Variants in PCDH15 observed in about 807,000 individuals in gnomAD.
The protein encoded by PCDH15 is protocadherin related 15.
In PCDH15, 129 loss-of-function variants were observed where a neutral mutation model predicts 178.5. The ratio of observed to expected loss-of-function variants is 0.72; its 90% confidence interval spans 0.63 to 0.84. The LOEUF is 0.84. Among genes scored for constraint, PCDH15 ranks in the 40% least tolerant of loss-of-function variants. PCDH15 has a pLI of 0.00. For synonymous variants in PCDH15, 800 were observed against 732.0 expected, an observed-to-expected ratio of 1.09 and a Z score of -1.50; for missense variants, 2,230 against 2,099.9, an observed-to-expected ratio of 1.06 and a Z score of -1.21.
chr10:54,959,022 A>C (rs1301726468), intron 2 of PCDH15, among the ~76,000 whole-genome samples: 3 of 151,902 alleles, frequency 2.0e-5, no homozygotes, highest in Non-Finnish European at 4.4e-5. Flanking sequence ...CTTTTATTCA[A>C]TGAAGAGTTG....
intron 5 of PCDH15, among the ~76,000 whole-genome samples, chr10:54,365,938 A>C (rs10825313): frequency 0.28 from 42,655 of 151,992 alleles, 7,528 homozygotes; most frequent in Non-Finnish European, 0.4. Context: ...GTAGCATTTA[A>C]TGCATTTATA....
chr10:55,222,097 G>A (rs1238688823), intron 1 of PCDH15, among the ~76,000 whole-genome samples: 6 of 150,756 alleles, frequency 4.0e-5, no homozygotes, highest in Admixed American at 1.3e-4. Flanking sequence ...GGATGGTCTC[G>A]AGCTCCTGAC....
chr10:53,992,925 A>C (rs2091622426), intron 21 of PCDH15, among the ~76,000 whole-genome samples: 1 of 152,182 alleles, frequency 6.6e-6, no homozygotes, highest in Non-Finnish European at 1.5e-5. Context: ...CTTATTTTGT[A>C]TTCAACAATA....
At position 53,945,396 on chromosome 10, in the gene PCDH15, T is replaced by A. The variant is rs185110956; in HGVS notation, c.3123-4421A>T. On this transcript the variant is annotated intron_variant, in intron 23 of 37. Coordinates refer to ENST00000644397, the MANE Select transcript of PCDH15 (RefSeq NM_001384140.1). ...TGGCTAAATTAAACTACCATTTGAC[T>A]ACCTCACAAGTTTATTAGTGGTGAG... 6.6e-5 allele frequency among the ~76,000 whole-genome samples: 10 copies of A among 152,320 alleles called. 1 individual carries two copies. The East Asian group carries it at 1.7e-3, about 26-fold the overall frequency.
intron 2 of PCDH15, among the ~76,000 whole-genome samples, chr10:55,574,935 A>C: frequency 6.6e-6 from 1 of 152,080 alleles, no homozygotes; most frequent in East Asian, 1.9e-4. Flanking sequence ...GAACCTAGAA[A>C]ATGTATGATT....
upstream of PCDH15, among the ~76,000 whole-genome samples, chr10:55,322,812 G>A (rs528604409): frequency 1.3e-5 from 2 of 151,274 alleles, no homozygotes; most frequent in South Asian, 4.2e-4. Flanking sequence ...AATGGGGGGG[G>A]AGAAATTCAA....
intron 1 of PCDH15, among the ~76,000 whole-genome samples, chr10:54,750,041 T>C (rs1945998965): frequency 6.6e-6 from 1 of 152,044 alleles, no homozygotes. Flanking sequence ...AATAATATTA[T>C]TACTTCATTG....
At chr10:54,223,717 A>G (rs2053142930) in intron 9 of PCDH15, among the ~76,000 whole-genome samples, 1 of 151,776 alleles carries the variant, frequency 6.6e-6, no homozygotes, top group Non-Finnish European at 1.5e-5. Flanking sequence ...AATAATTTTT[A>G]TTTAGAGCAA....
chr10:54,195,793 T>G lies in PCDH15; in HGVS notation c.1195A>C (p.Ser399Arg), dbSNP rs199786639. 131 of 1,613,978 alleles carry G rather than the reference T, an allele frequency of 8.1e-5. 1 individual carries two copies. In the East Asian group the frequency reaches 1.6e-3, roughly 19 times the overall value. Residue 399 changes from serine to arginine, a missense_variant, in exon 11 of 38, where the codon AGT becomes CGT. Ser to Arg is a moderately radical substitution (Grantham distance 110, BLOSUM62 -1). Transcript: ENST00000644397. ...GATTCCAGGATATAGCCTTGATAAC[T>G]GGGCATTGTAAAATATGGACTTTGA... is the stretch of plus-strand genomic sequence containing the variant. ...NNQSPYFTMP[S>R]YQGYILESAP...
chr10:54,064,070 C>G (rs1205150157), intron 18 of PCDH15, among the ~76,000 whole-genome samples: 1 of 152,154 alleles, frequency 6.6e-6, no homozygotes, highest in African/African-American at 2.4e-5. Flanking sequence ...ACGCGCACAG[C>G]TGGAGAGTTA....
intron 23 of PCDH15, among the ~76,000 whole-genome samples, chr10:53,957,562 T>C (rs2087754381): frequency 6.7e-6 from 1 of 149,438 alleles, no homozygotes; most frequent in African/African-American, 2.5e-5. Flanking sequence ...GCAGCCTGGA[T>C]ACAATGGACA....
intron 3 of PCDH15, among the ~76,000 whole-genome samples, chr10:54,886,461 T>G (rs1400354914): frequency 6.6e-6 from 1 of 152,234 alleles, no homozygotes; most frequent in Non-Finnish European, 1.5e-5. Context: ...TTAGTTGCCT[T>G]AAGAATGATC....
chr10:55,488,202 C>T (rs572249725), intron 2 of PCDH15, among the ~76,000 whole-genome samples: 3 of 151,722 alleles, frequency 2.0e-5, no homozygotes, highest in African/African-American at 7.2e-5. Context: ...TTAAAGTCCA[C>T]AATTTAAAAT....
intron 2 of PCDH15, among the ~76,000 whole-genome samples, chr10:55,434,235 T>A (rs1036741283): frequency 6.6e-5 from 10 of 150,408 alleles, no homozygotes; most frequent in Non-Finnish European, 8.9e-5. Flanking sequence ...GCCCAGCTAA[T>A]TTTTTTTTGT....
intron 3 of PCDH15, among the ~76,000 whole-genome samples, chr10:54,524,926 G>A (rs912080221): frequency 4.6e-5 from 7 of 152,180 alleles, no homozygotes; most frequent in African/African-American, 1.4e-4. Flanking sequence ...ATCAGGAATT[G>A]AAAGCATCTA....
chr10:55,108,358 C>T (rs374400721), intron 2 of PCDH15, among the ~76,000 whole-genome samples: 7 of 152,014 alleles, frequency 4.6e-5, no homozygotes, highest in East Asian at 1.9e-4. Flanking sequence ...AATAGAGTTA[C>T]GGGTTATGGA....
At chr10:53,808,995 T>A in intron 37 of PCDH15, 1 of 1,568,252 alleles carries the variant, frequency 6.4e-7, no homozygotes, top group African/African-American at 1.4e-5. Flanking sequence ...TAGGTTCTTT[T>A]TGTTCTTCTT....
intron 2 of PCDH15, among the ~76,000 whole-genome samples, chr10:55,605,738 G>T (rs1375290335): frequency 1.1e-5 from 1 of 90,990 alleles, no homozygotes; most frequent in South Asian, 3.9e-4. Flanking sequence ...GTATTGATGG[G>T]ACGTATTTCA....
At chr10:55,077,340 T>C (rs1170719947) in intron 2 of PCDH15, among the ~76,000 whole-genome samples, 5 of 152,138 alleles carry the variant, frequency 3.3e-5, no homozygotes, top group South Asian at 2.1e-4. Flanking sequence ...TGCATGTGTA[T>C]TCAATGTTCT....
Sources: gnomAD v4.1 joint callset for allele counts (sites outside exome capture counted in the v4.1 genomes callset) on GRCh38, gnomAD v4.1.1 for gene constraint, MANE v1.5 for transcripts, NCBI Gene and HGNC (gene_info 2026-07-23, HGNC 2026-07-21) for gene names.